Variants in UQCC1 observed in about 807,000 individuals in gnomAD.
UQCC1 encodes the protein ubiquinol-cytochrome c reductase complex assembly factor 1.
Under a neutral mutation model 48.0 loss-of-function variants are expected in UQCC1, and 38 were observed. That is an observed-to-expected ratio of 0.79 (90% CI 0.61 to 1.04). UQCC1 has a LOEUF of 1.04. Ranked by LOEUF, UQCC1 falls within the 50% of genes least tolerant of loss-of-function variation. UQCC1 has a pLI of 0.00. For synonymous variants in UQCC1, 111 were observed against 129.2 expected (o/e 0.86, Z 0.95); for missense variants, 368 against 381.8 (o/e 0.96, Z 0.30).
Position 35,374,220 on chromosome 20 carries a change from AG to A in UQCC1, c.369del (p.Cys124ValfsTer12), listed in dbSNP as rs1251693280. 3 of 1,613,232 alleles carry A rather than the reference AG, an allele frequency of 1.9e-6. No homozygotes were observed. The Admixed American group carries it at 5.0e-5, about 27-fold the overall frequency. ...IKIAALRMYTSCVEKTDFEEF... is the reference protein window; with the variant it reads ...IKIAALRMYTXCVEKTDFEEF... ...TCCTCGAAGTCAGTTTTCTCCACAC[AG>A]CTAGTATACATGCGCAGGGCCGCAA... On this transcript the variant is annotated frameshift_variant, in exon 5 of 10. Transcript: ENST00000374385. LOFTEE classifies it high-confidence loss of function.
At chr20:35,389,920 A>T (rs2061992616) in intron 2 of UQCC1, among the ~76,000 whole-genome samples, 1 of 152,232 alleles carries the variant, frequency 6.6e-6, no homozygotes, top group Admixed American at 6.5e-5. Context: ...TGCAAGAGAC[A>T]GAAGGAACCC....
Position 35,384,966 on chromosome 20 carries a change from CAAAAAAAAAAAAA to C in UQCC1, c.130-846_130-834del, listed in dbSNP as rs57141083. 1.6e-4 allele frequency among the ~76,000 whole-genome samples: 11 copies of C among 69,748 alleles called. No individual in the cohort carries two copies. In the South Asian group the frequency reaches 4.8e-3, roughly 30 times the overall value. The allele number at this position is 69,748 out of a possible 152,430, so 45.8% of individuals were successfully genotyped here. ...TGGGCAACACAGCAAGAATCGGTCT[CAAAAAAAAAAAAA>C]AAAAAAAAAAAAAAGAATTCAGCCC... On this transcript the variant is annotated intron_variant, in intron 2 of 9. Transcript: ENST00000374385.
In UQCC1 at chr20:35,302,827, T is replaced by C. The variant is rs532477364; in HGVS notation, c.*1108A>G. On this transcript the variant is annotated 3_prime_UTR_variant, in exon 10 of 10. Transcript: ENST00000374385. ...TTGTAATGTTTTCACAGAAGTGGGATATACCTCACCCATATAGAGTTTCTT... is the reference window on the plus strand; with the variant it reads ...TTGTAATGTTTTCACAGAAGTGGGACATACCTCACCCATATAGAGTTTCTT... 3 of 152,378 alleles carry C rather than the reference T, an allele frequency of 2.0e-5. No individual in the cohort carries two copies. In the East Asian group the frequency reaches 5.8e-4, roughly 29 times the overall value. 9.4% of individuals were successfully genotyped at this position (152,378 alleles called of 1,614,324 possible).
chr20:35,321,277 TGTGTGTGC>T (rs751576924), intron 7 of UQCC1, among the ~76,000 whole-genome samples: 1,870 of 138,124 alleles, frequency 0.014, 39 homozygotes, highest in African/African-American at 0.046. Flanking sequence ...TGTGTGTGTG[TGTGTGTGC>T]GCGCGCGCGC....
chr20:35,374,104 A>T, intron 5 of UQCC1, 80 bp downstream of exon 5: 2 of 1,148,208 alleles, frequency 1.7e-6, no homozygotes, highest in Non-Finnish European at 2.6e-6. Context: ...GGACTAAAAA[A>T]ACCTATCCTA....
intron 1 of UQCC1, among the ~76,000 whole-genome samples, chr20:35,410,729 A>AAAAAAAAAAAAAAAAAAAAAAAAAAC (rs2062345940): frequency 2.9e-5 from 3 of 102,818 alleles, no homozygotes; most frequent in Non-Finnish European, 4.0e-5. Context: ...AAAAAACAAA[A>AAAAAAAAAAAAAAAAAAAAAAAAAAC]CCCTAAAGGG....
At chr20:35,308,974 C>T (rs1335525992) in intron 8 of UQCC1, among the ~76,000 whole-genome samples, 1 of 152,190 alleles carries the variant, frequency 6.6e-6, no homozygotes, top group Admixed American at 6.5e-5. Context: ...CTTCGGCCTC[C>T]CAAGTGCTGG....
At chr20:35,337,077 G>A (rs927516904) in intron 7 of UQCC1, among the ~76,000 whole-genome samples, 2 of 152,130 alleles carry the variant, frequency 1.3e-5, no homozygotes, top group African/African-American at 4.8e-5. Flanking sequence ...TCATCTAAAT[G>A]ATATAATTAG....
In UQCC1 at chr20:35,388,674, A is replaced by AT. The variant is rs1445458254; in HGVS notation, c.130-4542dup. On this transcript the variant is annotated intron_variant, in intron 2 of 9. Coordinates refer to ENST00000374385, the MANE Select transcript of UQCC1 (RefSeq NM_018244.5). Reference sequence around the variant, plus strand: ...TACTCAAAGCTATGTTCTGTCCGCTATATCAAGCTGCCTTCAAAAGTCTGA... The same window carrying AT: ...TACTCAAAGCTATGTTCTGTCCGCTATTATCAAGCTGCCTTCAAAAGTCTGA... Among the ~76,000 whole-genome samples, 3 of 152,338 alleles carry AT rather than the reference A, an allele frequency of 2.0e-5. No individual in the cohort carries two copies. The East Asian group carries it at 5.8e-4, about 29-fold the overall frequency.
intron 6 of UQCC1, among the ~76,000 whole-genome samples, chr20:35,362,392 CT>C (rs1452613132): frequency 6.6e-6 from 1 of 152,162 alleles, no homozygotes; most frequent in Non-Finnish European, 1.5e-5. Flanking sequence ...AAGTCTCGCT[CT>C]GTCGTCTAGG....
At chr20:35,368,119 A>C (rs6060385) in intron 5 of UQCC1, among the ~76,000 whole-genome samples, 8 of 152,330 alleles carry the variant, frequency 5.3e-5, no homozygotes, top group African/African-American at 1.7e-4. Flanking sequence ...CCTTTGGGGC[A>C]ATGACTCAAG....
At chr20:35,397,498 A>G (rs1396667641) in intron 1 of UQCC1, among the ~76,000 whole-genome samples, 2 of 149,082 alleles carry the variant, frequency 1.3e-5, no homozygotes, top group African/African-American at 2.5e-5. Context: ...CCTGGGTGAC[A>G]GAGCGAGACT....
intron 4 of UQCC1, among the ~76,000 whole-genome samples, chr20:35,379,737 C>T (rs978511159): frequency 1.1e-4 from 16 of 151,968 alleles, no homozygotes; most frequent in Admixed American, 3.3e-4. Flanking sequence ...ACCTGGGAGG[C>T]GGAGGTTACA....
intron 5 of UQCC1, among the ~76,000 whole-genome samples, chr20:35,367,839 T>G (rs1323827120): frequency 3.9e-5 from 6 of 152,068 alleles, no homozygotes; most frequent in Non-Finnish European, 7.4e-5. Context: ...TAAGAAAGCA[T>G]ATTGTACTTA....
chr20:35,384,502 G>A (rs886883901), intron 2 of UQCC1: 25 of 353,444 alleles, frequency 7.1e-5, no homozygotes, highest in Non-Finnish European at 1.2e-4. Context: ...TTGGCTGGGT[G>A]TGGTGGTGCA....
chr20:35,343,733 AC>A (rs1464999219), intron 7 of UQCC1, among the ~76,000 whole-genome samples: 2 of 151,992 alleles, frequency 1.3e-5, no homozygotes, highest in Admixed American at 1.3e-4. Context: ...GTATTGGGGG[AC>A]CACCTAAAAC....
intron 2 of UQCC1, chr20:35,386,280 T>C (rs1051714054): frequency 2.2e-6 from 1 of 444,542 alleles, no homozygotes; most frequent in African/African-American, 2.0e-5. Context: ...ATATTACCTT[T>C]ACAATAAAAA....
chr20:35,397,949 T>G (rs929375977), intron 1 of UQCC1, among the ~76,000 whole-genome samples: 5 of 152,220 alleles, frequency 3.3e-5, no homozygotes, highest in African/African-American at 1.2e-4. Flanking sequence ...CAGGCACTTT[T>G]CTGGTACTTT....
rs118155074 is a variant in UQCC1 at position 35,356,622 on chromosome 20, T to C, written c.465-9350A>G. Among the ~76,000 whole-genome samples the C allele has an allele frequency of 7.5e-4, 114 of 152,316 alleles. 1 individual carries two copies. In the East Asian group the frequency reaches 0.018, roughly 25 times the overall value. On this transcript the variant is annotated intron_variant, in intron 6 of 9. Coordinates refer to ENST00000374385, the MANE Select transcript of UQCC1 (RefSeq NM_018244.5). ...TGTCCTCATTTCACAGGTGAGAAAATTGAGTCCTAGAGAAGTAACTTGCCC... is the reference window on the plus strand; with the variant it reads ...TGTCCTCATTTCACAGGTGAGAAAACTGAGTCCTAGAGAAGTAACTTGCCC...
Sources: gnomAD v4.1 joint callset for allele counts (sites outside exome capture counted in the v4.1 genomes callset) on GRCh38, gnomAD v4.1.1 for gene constraint, MANE v1.5 for transcripts, NCBI Gene and HGNC (gene_info 2026-07-23, HGNC 2026-07-21) for gene names.